Variants in PHF5A observed in about 807,000 individuals in gnomAD.
PHF5A encodes the protein PHD finger protein 5A.
For synonymous variants in PHF5A, 52 were observed against 46.0 expected (o/e 1.13, Z -0.52); for missense variants, 24 against 140.6 (o/e 0.17, Z 4.19).
intron 3 of PHF5A, among the ~76,000 whole-genome samples, chr22:41,465,883 A>AAAATAAAT (rs576477151): frequency 1.6e-3 from 240 of 152,118 alleles, no homozygotes; most frequent in African/African-American, 5.6e-3. Flanking sequence ...TCCATCTCAA[A>AAAATAAAT]AAATAAATAA....
chr22:41,466,207 G>A (rs2037865129), intron 3 of PHF5A, among the ~76,000 whole-genome samples: 1 of 152,108 alleles, frequency 6.6e-6, no homozygotes, highest in African/African-American at 2.4e-5. Flanking sequence ...CTGATTCATA[G>A]TTTTCTCCCA....
At chr22:41,461,506 C>T (rs1882210996) in intron 3 of PHF5A, among the ~76,000 whole-genome samples, 1 of 151,410 alleles carries the variant, frequency 6.6e-6, no homozygotes, top group African/African-American at 2.4e-5. Context: ...CAGGTACACG[C>T]CGCCATGCCC....
At position 41,468,065 on chromosome 22, in the gene PHF5A, G is replaced by A. The variant is rs1361734679; in HGVS notation, c.76+59C>T. The A allele has an allele frequency of 3.1e-6, 5 of 1,589,220 alleles. No individual in the cohort carries two copies. In the African/African-American group the frequency reaches 4.0e-5, roughly 13 times the overall value. ...AGCCCTCTTTGTGGCACTTTTGCTG[G>A]TTCCACAGAAAACTGGGAGTGGGAA... On this transcript the variant is annotated intron_variant, in intron 2 of 3. Transcript: ENST00000216252.
At chr22:41,463,580 C>T (rs1466073820) in intron 3 of PHF5A, among the ~76,000 whole-genome samples, 1 of 148,070 alleles carries the variant, frequency 6.8e-6, no homozygotes, top group Non-Finnish European at 1.5e-5. Flanking sequence ...AAAAAATTAG[C>T]CAGGCGTGGT....
chr22:41,464,202 C>T (rs1477124433), intron 3 of PHF5A, among the ~76,000 whole-genome samples: 1 of 152,174 alleles, frequency 6.6e-6, no homozygotes, highest in African/African-American at 2.4e-5. Flanking sequence ...CAAATCAGTC[C>T]TCTGGTAGCA....
Position 41,459,727 on chromosome 22 carries a change from T to G in PHF5A, c.*671A>C, listed in dbSNP as rs973099143. 2.6e-5 allele frequency: 4 copies of G among 151,890 alleles called. No individual in the cohort carries two copies. The highest frequency in any genetic ancestry group is 9.7e-5 in the African/African-American group (4 of 41,354). The allele number at this position is 151,890 out of a possible 1,614,324, so 9.4% of individuals were successfully genotyped here. A position where few individuals can be genotyped will look rare whatever the true frequency, so the allele number is the denominator to read the frequency against. On this transcript the variant is annotated 3_prime_UTR_variant, in exon 4 of 4. Transcript: ENST00000216252. ...AATGGGGAAGGTGACTACCAGAAAA[T>G]AAACACCAACTTTATTAATATAATA...
At chr22:41,460,613 CAGG>C (rs1398572109) in intron 3 of PHF5A, 126 bp from the exon 4 acceptor site, 17 of 577,182 alleles carry the variant, frequency 2.9e-5, no homozygotes, top group Admixed American at 6.3e-5. Flanking sequence ...AAGGCCGAGG[CAGG>C]AGGATTGCTG....
chr22:41,460,768 A>G (rs2037821287), intron 3 of PHF5A, among the ~76,000 whole-genome samples: 1 of 151,938 alleles, frequency 6.6e-6, no homozygotes, highest in South Asian at 2.1e-4. Flanking sequence ...TCATCTTAGT[A>G]TTTGAAGAAC....
At chr22:41,460,832 A>T (rs958711810) in intron 3 of PHF5A, among the ~76,000 whole-genome samples, 1 of 152,144 alleles carries the variant, frequency 6.6e-6, no homozygotes, top group Non-Finnish European at 1.5e-5. Flanking sequence ...CTTAATTGGG[A>T]GGCCCAGATC....
intron 3 of PHF5A, among the ~76,000 whole-genome samples, chr22:41,463,724 CAAAAAAAA>C (rs11387908): frequency 6.8e-5 from 4 of 59,066 alleles, no homozygotes; most frequent in African/African-American, 3.0e-4. Context: ...GACTCTGTCT[CAAAAAAAA>C]AAAAAAAAAA....
At chr22:41,466,748 G>A (rs547062439) in intron 3 of PHF5A, among the ~76,000 whole-genome samples, 1 of 152,222 alleles carries the variant, frequency 6.6e-6, no homozygotes, top group South Asian at 2.1e-4. Context: ...CCCAGCACTT[G>A]GTGAGGCTAA....
At chr22:41,467,894 G>A (rs2037883487) in intron 2 of PHF5A, 2 of 611,982 alleles carry the variant, frequency 3.3e-6, no homozygotes, top group Non-Finnish European at 5.8e-6. Context: ...GTGTGTTGGG[G>A]AGGGGTCATG....
chr22:41,462,641 A>G (rs537394312), intron 3 of PHF5A, among the ~76,000 whole-genome samples: 70 of 152,342 alleles, frequency 4.6e-4, no homozygotes, highest in African/African-American at 1.7e-3. Flanking sequence ...TAGAGAGGCT[A>G]TGAAACTCAT....
intron 3 of PHF5A, among the ~76,000 whole-genome samples, chr22:41,463,002 T>C (rs1029847345): frequency 1.3e-4 from 19 of 151,788 alleles, no homozygotes; most frequent in Admixed American, 6.6e-5. Flanking sequence ...GACTCCTGAG[T>C]AGCTGGGATT....
In PHF5A at chr22:41,468,581, A is replaced by C. The variant is rs374895256; in HGVS notation, c.52+21T>G. ...TAATACCACCCCTGCCCAGACAGCC[A>C]GGGGTAGGGCGCAGTCTCACCAACA... On this transcript the variant is annotated intron_variant, in intron 1 of 3. Coordinates refer to ENST00000216252, the MANE Select transcript of PHF5A (RefSeq NM_032758.4). The C allele has an allele frequency of 2.5e-6, 4 of 1,613,718 alleles. No individual in the cohort carries two copies. In the African/African-American group the frequency reaches 5.3e-5, roughly 22 times the overall value.
intron 2 of PHF5A, 174 bp downstream of exon 2, chr22:41,467,950 T>C: frequency 1.5e-6 from 1 of 668,966 alleles, no homozygotes; most frequent in Non-Finnish European, 2.6e-6. Flanking sequence ...GATACAGCGT[T>C]AAATGTGCAA....
chr22:41,466,568 G>A (rs2037867542), intron 3 of PHF5A, among the ~76,000 whole-genome samples: 1 of 152,162 alleles, frequency 6.6e-6, no homozygotes, highest in Non-Finnish European at 1.5e-5. Flanking sequence ...CTGTCACCCA[G>A]GCTGGAGTGC....
intron 3 of PHF5A, among the ~76,000 whole-genome samples, chr22:41,462,707 G>C (rs1427749048): frequency 6.6e-6 from 1 of 152,096 alleles, no homozygotes; most frequent in Non-Finnish European, 1.5e-5. Context: ...TGGGCAAGTT[G>C]CTTCTCTTGG....
chr22:41,465,027 T>C (rs959577398), intron 3 of PHF5A, among the ~76,000 whole-genome samples: 2 of 152,170 alleles, frequency 1.3e-5, no homozygotes, highest in African/African-American at 4.8e-5. Context: ...TAGACTAGAT[T>C]TGGATTTTCG....
Sources: allele counts gnomAD v4.1 joint callset (sites outside exome capture counted in the v4.1 genomes callset), GRCh38; gene constraint gnomAD v4.1.1; transcripts MANE v1.5; gene names NCBI Gene and HGNC (gene_info 2026-07-23, HGNC 2026-07-21).